MAML1: variants seen among roughly 807,000 people sequenced by gnomAD.
MAML1 encodes the protein mastermind-like protein 1.
In MAML1, 14 loss-of-function variants were observed where a neutral mutation model predicts 77.1. The observed-to-expected ratio is 0.18, with a 90% CI of 0.12 to 0.28. The LOEUF (loss-of-function observed/expected upper bound fraction) is 0.28. Among genes scored for constraint, MAML1 ranks in the 10% least tolerant of loss-of-function variants. The pLI is 1.00. For missense variants in MAML1, 1,217 were observed against 1,327.8 expected, an observed-to-expected ratio of 0.92 and a Z score of 1.30; for synonymous variants, 516 against 551.9, an observed-to-expected ratio of 0.93 and a Z score of 0.91.
At chr5:179,744,540 T>C (rs1779344766) in intron 1 of MAML1, among the ~76,000 whole-genome samples, 1 of 134,688 alleles carries the variant, frequency 7.4e-6, no homozygotes, top group African/African-American at 2.6e-5. Context: ...TTTGGCAGGA[T>C]TTTTTTTTTT....
chr5:179,764,995 ATG>A (rs34922506), intron 1 of MAML1, among the ~76,000 whole-genome samples: 78,634 of 147,418 alleles, frequency 0.53, 21,020 homozygotes, highest in South Asian at 0.62. Context: ...TAATATATAT[ATG>A]TGTGTGTGTG....
chr5:179,777,110 A>C lies in MAML1; in HGVS notation c.*2233A>C. 1 of 985,768 alleles carries C rather than the reference A, an allele frequency of 1.0e-6. No individual in the cohort carries two copies. Among genetic ancestry groups the C allele is most frequent in the Non-Finnish European group, 1.2e-6 (1 of 829,836 alleles). The allele number at this position is 985,768 out of a possible 1,614,324, so 61.1% of individuals were successfully genotyped here. A position where few individuals can be genotyped will look rare whatever the true frequency, so the allele number is the denominator to read the frequency against. On this transcript the variant is annotated 3_prime_UTR_variant, in exon 5 of 5. Coordinates refer to ENST00000292599, the MANE Select transcript of MAML1 (RefSeq NM_014757.5). ...TGTGTGTTTTGGGGGAGCTATGATA[A>C]GTTTTATGGCAAACGGTTGGTATTG...
intron 1 of MAML1, among the ~76,000 whole-genome samples, chr5:179,738,906 C>G (rs1562545183): frequency 6.6e-6 from 1 of 152,174 alleles, no homozygotes; most frequent in East Asian, 1.9e-4. Context: ...ACAGCCTCCT[C>G]AGTAGCTGGG....
At chr5:179,735,921 C>T (rs1163204657) in intron 1 of MAML1, among the ~76,000 whole-genome samples, 2 of 141,988 alleles carry the variant, frequency 1.4e-5, no homozygotes, top group Admixed American at 7.0e-5. Flanking sequence ...CCCCTGACCT[C>T]GTGATCCACC....
rs1417646719 is a variant in MAML1 at position 179,771,326 on chromosome 5, A to G, written c.2068+83A>G. ...GAATCCCTGCTGTCTGCCCAGCTCT[A>G]TGCCTTGACTTCATCAGGCTGCATG... On this transcript the variant is annotated intron_variant, in intron 4 of 4. Transcript: ENST00000292599. This position sits in a 1 kb window ranked among gnomAD's most constrained non-coding sequence, Gnocchi z 4.7. 7.5e-6 allele frequency: 9 copies of G among 1,205,084 alleles called. No homozygotes were observed. The highest frequency in any genetic ancestry group is 5.2e-5 in the Admixed American group (3 of 57,530). The allele number at this position is 1,205,084 out of a possible 1,614,324, so 74.6% of individuals were successfully genotyped here. A position where few individuals can be genotyped will look rare whatever the true frequency, so the allele number is the denominator to read the frequency against.
chr5:179,775,229 AT>A lies in MAML1; in HGVS notation c.*356del. The A allele has an allele frequency of 1.9e-6, 2 of 1,032,940 alleles. No homozygotes were observed. The highest frequency in any genetic ancestry group is 2.3e-6 in the Non-Finnish European group (2 of 861,118). 64.0% of individuals were successfully genotyped at this position (1,032,940 alleles called of 1,614,324 possible). A position where few individuals can be genotyped will look rare whatever the true frequency, so the allele number is the denominator to read the frequency against. ...TATAAAAATCTGTGCCATCATGGTG[AT>A]TTTATCCAAGACTGCTCCACTTACC... On this transcript the variant is annotated 3_prime_UTR_variant, in exon 5 of 5. Coordinates refer to ENST00000292599, the MANE Select transcript of MAML1 (RefSeq NM_014757.5).
intron 1 of MAML1, among the ~76,000 whole-genome samples, chr5:179,757,294 GAGGTTGCTCAC>G (rs1012164785): frequency 3.9e-5 from 6 of 152,216 alleles, no homozygotes; most frequent in Non-Finnish European, 7.4e-5. Flanking sequence ...TGGGTCAAGT[GAGGTTGCTCAC>G]ACCTGTAATC....
chr5:179,740,571 C>T (rs1192764658), intron 1 of MAML1, among the ~76,000 whole-genome samples: 6 of 152,044 alleles, frequency 3.9e-5, no homozygotes, highest in East Asian at 1.9e-4. Flanking sequence ...CCACTGTGCC[C>T]GGCCGATCTT....
chr5:179,743,998 G>A (rs1779333489), intron 1 of MAML1, among the ~76,000 whole-genome samples: 1 of 152,102 alleles, frequency 6.6e-6, no homozygotes, highest in South Asian at 2.1e-4. Flanking sequence ...TTAGCGATAT[G>A]CTATCTTTCA....
Position 179,776,624 on chromosome 5 carries a change from C to T in MAML1, c.*1747C>T, listed in dbSNP as rs1756138427. On this transcript the variant is annotated 3_prime_UTR_variant, in exon 5 of 5. Coordinates refer to ENST00000292599, the MANE Select transcript of MAML1 (RefSeq NM_014757.5). ...AATCTGAAGGGGAAGAGGGTGACCTCAGCGGCTTTTCTCCCAAAAATCGGC... is the reference window on the plus strand; with the variant it reads ...AATCTGAAGGGGAAGAGGGTGACCTTAGCGGCTTTTCTCCCAAAAATCGGC... The T allele has an allele frequency of 1.0e-6, 1 of 985,698 alleles. No homozygotes were observed. Among genetic ancestry groups the T allele is most frequent in the Non-Finnish European group, 1.2e-6 (1 of 829,966 alleles). 61.1% of individuals were successfully genotyped at this position (985,698 alleles called of 1,614,324 possible).
intron 1 of MAML1, among the ~76,000 whole-genome samples, chr5:179,757,410 A>G (rs1245108250): frequency 6.6e-6 from 1 of 152,096 alleles, no homozygotes; most frequent in South Asian, 2.1e-4. Flanking sequence ...TCTACTAAAA[A>G]TACAAAAATT....
intron 4 of MAML1, among the ~76,000 whole-genome samples, chr5:179,772,285 A>G (rs1050446726): frequency 6.6e-6 from 1 of 151,926 alleles, no homozygotes; most frequent in Non-Finnish European, 1.5e-5. Flanking sequence ...CGCCCGGCTC[A>G]TTTTTGTATT....
intron 1 of MAML1, among the ~76,000 whole-genome samples, chr5:179,737,857 C>T (rs1038470154): frequency 1.3e-5 from 2 of 152,142 alleles, no homozygotes; most frequent in Admixed American, 1.3e-4. Flanking sequence ...CACCCAGTGG[C>T]GCGATCGTGG....
At chr5:179,748,323 C>T (rs974505934) in intron 1 of MAML1, among the ~76,000 whole-genome samples, 4 of 152,114 alleles carry the variant, frequency 2.6e-5, no homozygotes, top group African/African-American at 9.7e-5. Context: ...CTCAAGTGAT[C>T]CACCCACCTC....
chr5:179,741,427 G>A (rs976603351), intron 1 of MAML1, among the ~76,000 whole-genome samples: 1 of 152,156 alleles, frequency 6.6e-6, no homozygotes, highest in African/African-American at 2.4e-5. Context: ...GCTCACGCCT[G>A]TAATCCCAGC....
In MAML1 at chr5:179,766,190, T is replaced by A; in HGVS notation, c.1180T>A (p.Ser394Thr). ...SQGPGGASEL[S>T]SAHQLQQIAA... is the part of the protein sequence containing the mutation. ...GGGCCCAGGAGGGGCCTCAGAGCTG[T>A]CCTCTGCCCACCAGCTCCAGCAGAT... is the stretch of plus-strand genomic sequence containing the variant. Residue 394 changes from serine to threonine, a missense_variant, in exon 2 of 5, where the codon TCC becomes ACC. Ser to Thr is a moderately conservative substitution (Grantham distance 58, BLOSUM62 1). Transcript: ENST00000292599. The surrounding 1 kb of genome is among the most constrained non-coding windows in gnomAD (Gnocchi z 4.0). 6.2e-7 allele frequency: 1 copy of A among 1,607,436 alleles called. No individual in the cohort carries two copies. The highest frequency in any genetic ancestry group is 8.5e-7 in the Non-Finnish European group (1 of 1,176,634).
chr5:179,745,857 C>T (rs1412629977), intron 1 of MAML1, among the ~76,000 whole-genome samples: 3 of 46,828 alleles, frequency 6.4e-5, no homozygotes, highest in African/African-American at 2.4e-4. Flanking sequence ...GCAACTCCGT[C>T]TCAAAAAAAA....
At position 179,765,280 on chromosome 5, in the gene MAML1, A is replaced by G. The variant is rs765585677; in HGVS notation, c.316-46A>G. The G allele has an allele frequency of 9.3e-6, 14 of 1,511,562 alleles. No homozygotes were observed. The South Asian group carries it at 1.4e-4, about 15-fold the overall frequency. 93.6% of individuals were successfully genotyped at this position (1,511,562 alleles called of 1,614,324 possible). ...CCTTGGCTTGTTACTGTCATAGCAG[A>G]GCAAATTCATATGTATCTTAAGTCA... is the stretch of plus-strand genomic sequence containing the variant. On this transcript the variant is annotated intron_variant, in intron 1 of 4. Transcript: ENST00000292599.
chr5:179,735,032 A>G (rs1175230315), intron 1 of MAML1, among the ~76,000 whole-genome samples: 1 of 152,144 alleles, frequency 6.6e-6, no homozygotes, highest in Admixed American at 6.5e-5. Flanking sequence ...AAAATACAGT[A>G]TTTCGGGGGA....
Sources: allele counts gnomAD v4.1 joint callset (sites outside exome capture counted in the v4.1 genomes callset), GRCh38; gene constraint gnomAD v4.1.1; non-coding constraint Gnocchi (gnomAD v3.1); transcripts MANE v1.5; gene names NCBI Gene and HGNC (gene_info 2026-07-23, HGNC 2026-07-21).